Variants in LINGO2 observed in about 807,000 individuals in gnomAD.
LINGO2 encodes the protein leucine rich repeat and Ig domain containing 2, also known as leucine-rich repeat and immunoglobulin-like domain-containing nogo receptor-interacting protein 2.
Under a neutral mutation model 30.6 loss-of-function variants are expected in LINGO2, and 14 were observed. The ratio of observed to expected loss-of-function variants is 0.46; its 90% CI spans 0.30 to 0.72. LINGO2 has a LOEUF of 0.72. LINGO2 is among the 30% of genes least tolerant of loss of function. The pLI is 0.07. For missense variants in LINGO2, 729 were observed against 751.7 expected, an observed-to-expected ratio of 0.97 and a Z score of 0.35; for synonymous variants, 317 against 288.5, an observed-to-expected ratio of 1.10 and a Z score of -1.00.
chr9:28,254,262 A>C (rs1822306359), intron 4 of LINGO2, among the ~76,000 whole-genome samples: 1 of 152,060 alleles, frequency 6.6e-6, no homozygotes, highest in Admixed American at 6.6e-5. Context: ...TTATTTCTAA[A>C]ACTTGTCAGA....
intron 3 of LINGO2, among the ~76,000 whole-genome samples, chr9:28,354,606 T>C (rs1017211011): frequency 6.6e-6 from 1 of 152,198 alleles, no homozygotes; most frequent in Non-Finnish European, 1.5e-5. Flanking sequence ...TTAAACAATA[T>C]TGTCAAAGCT....
Position 28,329,608 on chromosome 9 carries a change from T to TA in LINGO2, c.-245-34243dup, listed in dbSNP as rs1369342523. Among the ~76,000 whole-genome samples the TA allele has an allele frequency of 6.6e-6, 1 of 152,292 alleles. No homozygotes were observed. Among genetic ancestry groups the TA allele is most frequent in the East Asian group, 1.9e-4 (1 of 5,168 alleles). ...CAAGCATACACAAAAATTCTTTATA[T>TA]AATTGCACTTGCTATTCTCTCTGCC... On this transcript the variant is annotated intron_variant, in intron 3 of 5. Coordinates refer to ENST00000379992, the Ensembl canonical transcript of LINGO2. This position sits in a 1 kb window ranked among gnomAD's most constrained non-coding sequence, Gnocchi z 4.5.
At chr9:28,951,131 A>G in the LINGO2 span, among the ~76,000 whole-genome samples, 33 of 152,312 alleles carry the variant, frequency 2.2e-4, no homozygotes, top group South Asian at 5.6e-3. Context: ...GACAAAAACA[A>G]GCAATGGAGA....
At chr9:28,110,339 G>C (rs1479959500) in intron 4 of LINGO2, among the ~76,000 whole-genome samples, 1 of 152,154 alleles carries the variant, frequency 6.6e-6, no homozygotes, top group Non-Finnish European at 1.5e-5. Context: ...CATGGGCAAA[G>C]ATTTCATGAC....
At chr9:28,515,408 G>GT (rs1467491817) in intron 1 of LINGO2, among the ~76,000 whole-genome samples, 2 of 151,986 alleles carry the variant, frequency 1.3e-5, no homozygotes, top group Non-Finnish European at 2.9e-5. Context: ...AGGTTTCACC[G>GT]TGTTAGCCAG....
chr9:28,841,224 G>C, the LINGO2 span, among the ~76,000 whole-genome samples: 3 of 151,710 alleles, frequency 2.0e-5, no homozygotes, highest in South Asian at 6.2e-4. Flanking sequence ...ATATGTATAT[G>C]TACATGTGGG....
At chr9:28,467,026 C>CTT (rs71502447) in intron 2 of LINGO2, among the ~76,000 whole-genome samples, 1 of 140,494 alleles carries the variant, frequency 7.1e-6, no homozygotes, top group Non-Finnish European at 1.6e-5. Flanking sequence ...AGCTGACTCT[C>CTT]TTTTTTTTTG....
intron 5 of LINGO2, among the ~76,000 whole-genome samples, chr9:28,000,616 C>T (rs997586427): frequency 6.6e-6 from 1 of 152,154 alleles, no homozygotes; most frequent in African/African-American, 2.4e-5. Flanking sequence ...TTCAATCAGA[C>T]AAACATTTAT....
chr9:28,499,282 AAAGAC>A (rs1819788964), intron 1 of LINGO2, among the ~76,000 whole-genome samples: 1 of 152,198 alleles, frequency 6.6e-6, no homozygotes, highest in South Asian at 2.1e-4. Context: ...TAGGAAGTAG[AAAGAC>A]CATCTCAGTC....
At chr9:28,519,789 T>G (rs1340455149) in intron 1 of LINGO2, among the ~76,000 whole-genome samples, 1 of 152,194 alleles carries the variant, frequency 6.6e-6, no homozygotes, top group Non-Finnish European at 1.5e-5. Context: ...ATAATTTCGA[T>G]GAGGTGAAAT....
the LINGO2 span, among the ~76,000 whole-genome samples, chr9:28,952,178 A>G: frequency 2.0e-5 from 3 of 152,154 alleles, no homozygotes; most frequent in South Asian, 6.2e-4. Context: ...GGTACAGGAA[A>G]AAAACAAAGA....
intron 4 of LINGO2, among the ~76,000 whole-genome samples, chr9:28,184,894 A>G (rs936898567): frequency 6.6e-6 from 1 of 152,138 alleles, no homozygotes; most frequent in African/African-American, 2.4e-5. Flanking sequence ...CATTCTCTGG[A>G]GAGCATACTA....
the LINGO2 span, among the ~76,000 whole-genome samples, chr9:28,765,362 C>T: frequency 6.6e-6 from 1 of 152,034 alleles, no homozygotes; most frequent in Non-Finnish European, 1.5e-5. Context: ...ACACAGTCAA[C>T]AAGGGCACAG....
intron 1 of LINGO2, among the ~76,000 whole-genome samples, chr9:28,661,992 C>T (rs1828602726): frequency 6.6e-6 from 1 of 152,190 alleles, no homozygotes; most frequent in Non-Finnish European, 1.5e-5. Context: ...TCAAACGCCA[C>T]ACACAGCATA....
At chr9:28,302,622 G>A (rs1824191464) in intron 3 of LINGO2, among the ~76,000 whole-genome samples, 1 of 152,088 alleles carries the variant, frequency 6.6e-6, no homozygotes, top group South Asian at 2.1e-4. Context: ...AGTTAGCCCT[G>A]ATCACACCAC....
At chr9:28,871,420 A>G in the LINGO2 span, among the ~76,000 whole-genome samples, 1 of 151,808 alleles carries the variant, frequency 6.6e-6, no homozygotes, top group Non-Finnish European at 1.5e-5. Context: ...ATAGGAATGG[A>G]AAGTGGGAGG....
rs144023662 is a variant in LINGO2 at position 28,636,468 on chromosome 9, C to T, written c.-365+33732G>A. Among the ~76,000 whole-genome samples the T allele has an allele frequency of 9.2e-3, 1,408 of 152,294 alleles. 28 individuals carry two copies. The highest frequency in any genetic ancestry group is 0.08 in the East Asian group (415 of 5,172). On this transcript the variant is annotated intron_variant, in intron 1 of 5. Transcript: ENST00000379992. ...GTGTAAAAGTGTTCCTGTTTCTCCA[C>T]ATCGTCTCCAGCACCTGTTGTTGCC...
At chr9:28,006,907 C>A (rs550649273) in intron 5 of LINGO2, among the ~76,000 whole-genome samples, 1 of 136,650 alleles carries the variant, frequency 7.3e-6, no homozygotes, top group African/African-American at 2.5e-5. Flanking sequence ...TCCACATATA[C>A]TGAGCTAGTC....
chr9:28,802,895 C>T, the LINGO2 span, among the ~76,000 whole-genome samples: 1 of 152,140 alleles, frequency 6.6e-6, no homozygotes, highest in East Asian at 1.9e-4. Flanking sequence ...AAAATAAGCA[C>T]TTCAGGATAT....
Sources: gnomAD v4.1 joint callset for allele counts (sites outside exome capture counted in the v4.1 genomes callset) on GRCh38, gnomAD v4.1.1 for gene constraint, Gnocchi (gnomAD v3.1) non-coding constraint, MANE v1.5 for transcripts, NCBI Gene and HGNC (gene_info 2026-07-23, HGNC 2026-07-21) for gene names.